Variants in TEX14 observed in about 807,000 individuals in gnomAD.
The protein encoded by TEX14 is testis expressed 14, intercellular bridge forming factor, also known as inactive serine/threonine-protein kinase TEX14.
A neutral mutation model predicts 178.6 loss-of-function variants in TEX14; 168 were observed. That is an observed-to-expected ratio of 0.94 (90% CI 0.83 to 1.07). The LOEUF is 1.07. Among genes scored for constraint, TEX14 ranks in the 50% least tolerant of loss-of-function variants. The pLI, the probability that TEX14 is intolerant of heterozygous loss-of-function variation, is 0.00. For synonymous variants in TEX14, 626 were observed against 634.1 expected (o/e 0.99, Z 0.19); for missense variants, 1,730 against 1,753.6 (o/e 0.99, Z 0.24).
intron 3 of TEX14, among the ~76,000 whole-genome samples, chr17:58,626,766 G>A (rs894735159): frequency 6.6e-6 from 1 of 151,700 alleles, no homozygotes; most frequent in African/African-American, 2.4e-5. Flanking sequence ...AGGTACTCGG[G>A]AGGGTGAGGC....
chr17:58,654,864 C>G (rs772327519), intron 1 of TEX14, among the ~76,000 whole-genome samples: 1 of 151,856 alleles, frequency 6.6e-6, no homozygotes, highest in Non-Finnish European at 1.5e-5. Flanking sequence ...GAACAAGAAG[C>G]TGGACCTCAT....
intron 19 of TEX14, among the ~76,000 whole-genome samples, chr17:58,582,558 G>A (rs1206274305): frequency 1.3e-5 from 2 of 150,006 alleles, no homozygotes; most frequent in Admixed American, 6.7e-5. Context: ...CACCCGGCCT[G>A]CAAATTTCTT....
At chr17:58,656,579 C>T (rs1320439820) in intron 1 of TEX14, among the ~76,000 whole-genome samples, 1 of 151,762 alleles carries the variant, frequency 6.6e-6, no homozygotes, top group Non-Finnish European at 1.5e-5. Context: ...CATGGTGAAA[C>T]CCCATCTCTA....
intron 27 of TEX14, 30 bp from the exon 28 acceptor site, chr17:58,564,998 T>C: frequency 7.0e-7 from 1 of 1,429,094 alleles, no homozygotes; most frequent in Non-Finnish European, 9.7e-7. Flanking sequence ...TTAACTTTAT[T>C]AGAACGAAAA....
intron 1 of TEX14, among the ~76,000 whole-genome samples, chr17:58,690,702 G>A (rs2047687179): frequency 1.3e-5 from 2 of 152,192 alleles, no homozygotes; most frequent in African/African-American, 4.8e-5. Context: ...AATGGGTTGA[G>A]TGGCCAACCA....
intron 10 of TEX14, among the ~76,000 whole-genome samples, chr17:58,610,776 C>T (rs901297725): frequency 6.6e-6 from 1 of 152,008 alleles, no homozygotes; most frequent in East Asian, 1.9e-4. Context: ...ACCCCAGCTA[C>T]TCAGGAGGCT....
At chr17:58,583,900 T>C (rs2044884752) in intron 19 of TEX14, among the ~76,000 whole-genome samples, 1 of 152,256 alleles carries the variant, frequency 6.6e-6, no homozygotes, top group South Asian at 2.1e-4. Flanking sequence ...TCTCAATTGC[T>C]GTCTATATTC....
rs2045570685 is a variant in TEX14 at position 58,604,970 on chromosome 17, TG to T, written c.1336+7del. The stretch of plus-strand genomic sequence containing the variant: ...GACTTTGGTCAACCATTAATGATCT[TG>T]ATCTACCTGTTAAAATCTCCTGCAT... On this transcript the variant is annotated splice_region_variant and intron_variant, in intron 11 of 31. Coordinates refer to ENST00000349033, the MANE Select transcript of TEX14 (RefSeq NM_031272.5). 6.2e-7 allele frequency: 1 copy of T among 1,613,674 alleles called. No individual in the cohort carries two copies. Among genetic ancestry groups the T allele is most frequent in the East Asian group, 2.2e-5 (1 of 44,894 alleles).
chr17:58,659,574 C>G (rs1048225092), intron 1 of TEX14, among the ~76,000 whole-genome samples: 1 of 152,190 alleles, frequency 6.6e-6, no homozygotes, highest in African/African-American at 2.4e-5. Context: ...ACTGAACTCC[C>G]TTACGGATCG....
intron 2 of TEX14, among the ~76,000 whole-genome samples, chr17:58,642,419 C>A (rs1372711395): frequency 1.3e-5 from 2 of 152,108 alleles, no homozygotes; most frequent in Non-Finnish European, 2.9e-5. Context: ...CCAAATGCTC[C>A]GTACTTAATT....
intron 11 of TEX14, 49 bp from the exon 12 acceptor site, chr17:58,602,639 GGA>G: frequency 1.4e-6 from 2 of 1,464,492 alleles, no homozygotes; most frequent in Non-Finnish European, 1.9e-6. Flanking sequence ...ACCAAAGAGT[GGA>G]GTGGGGGGAA....
intron 22 of TEX14, 115 bp from the exon 23 acceptor site, chr17:58,573,423 G>T: frequency 1.1e-6 from 1 of 906,518 alleles, no homozygotes; most frequent in Non-Finnish European, 1.7e-6. Flanking sequence ...TGTGGCAATA[G>T]GCCAGAATTA....
At chr17:58,670,674 G>C (rs1313926933) in intron 1 of TEX14, among the ~76,000 whole-genome samples, 1 of 147,466 alleles carries the variant, frequency 6.8e-6, no homozygotes, top group East Asian at 2.1e-4. Context: ...TTGAGAGGCT[G>C]AGGCAGGATA....
intron 19 of TEX14, among the ~76,000 whole-genome samples, chr17:58,580,167 A>C (rs2044776583): frequency 6.6e-6 from 1 of 152,212 alleles, no homozygotes; most frequent in Non-Finnish European, 1.5e-5. Context: ...TTTGGGGACT[A>C]GTAATGTTTC....
intron 30 of TEX14, 32 bp from the exon 31 acceptor site, chr17:58,557,882 A>G (rs1441712822): frequency 1.3e-6 from 2 of 1,577,444 alleles, no homozygotes; most frequent in Non-Finnish European, 1.7e-6. Context: ...GGAAAAAACA[A>G]CATGATTAAT....
In TEX14 at chr17:58,623,807, GA is replaced by G. The variant is rs1311487878; in HGVS notation, c.252-796del. 1.2e-4 allele frequency among the ~76,000 whole-genome samples: 17 copies of G among 145,632 alleles called. No individual in the cohort carries two copies. The South Asian group carries it at 3.2e-3, about 27-fold the overall frequency. On this transcript the variant is annotated intron_variant, in intron 3 of 31. Coordinates refer to ENST00000349033, the MANE Select transcript of TEX14 (RefSeq NM_031272.5). ...AGAAGGAGAAGATGAAGAAGAGGAG[GA>G]GGGGGAGGGAAGGGGAGGGGGAGGC...
intron 1 of TEX14, among the ~76,000 whole-genome samples, chr17:58,672,230 T>A (rs1206196706): frequency 6.6e-6 from 1 of 152,110 alleles, no homozygotes; most frequent in African/African-American, 2.4e-5. Flanking sequence ...TGCGGCCTAG[T>A]TCCTAACAGG....
At chr17:58,631,232 C>T (rs576799587) in intron 2 of TEX14, 241 of 678,822 alleles carry the variant, frequency 3.6e-4, no homozygotes, top group South Asian at 1.8e-3. Context: ...GAAGCCGAGG[C>T]GGGTAGATCA....
chr17:58,570,615 CCTTTTT>C, intron 24 of TEX14, 131 bp from the exon 25 acceptor site: 2 of 329,062 alleles, frequency 6.1e-6, no homozygotes, highest in Non-Finnish European at 1.0e-5. Flanking sequence ...TGGGAAGCCT[CCTTTTT>C]TTTTTTTTTT....
Sources: gnomAD v4.1 joint callset for allele counts (sites outside exome capture counted in the v4.1 genomes callset) on GRCh38, gnomAD v4.1.1 for gene constraint, MANE v1.5 for transcripts, NCBI Gene and HGNC (gene_info 2026-07-23, HGNC 2026-07-21) for gene names.